The following ASIC2 variants were observed in gnomAD, a reference collection of about 807,000 sequenced individuals.
ASIC2 encodes the protein acid-sensing ion channel 2.
A neutral mutation model predicts 57.3 loss-of-function variants in ASIC2; 25 were observed. The observed-to-expected ratio is 0.44, with a 90% CI of 0.32 to 0.61. The LOEUF is 0.61. Ranked by LOEUF, ASIC2 falls within the 20% of genes least tolerant of loss-of-function variation. The probability of loss-of-function intolerance (pLI) is 0.06; values close to 1 mark genes in which losing one functional copy is unlikely to be tolerated. For missense variants in ASIC2, 641 were observed against 738.1 expected (o/e 0.87, Z 1.52); for synonymous variants, 319 against 307.5 (o/e 1.04, Z -0.39).
intron 1 of ASIC2, among the ~76,000 whole-genome samples, chr17:33,188,940 A>C (rs1407543955): frequency 6.6e-6 from 1 of 152,206 alleles, no homozygotes; most frequent in Non-Finnish European, 1.5e-5. Context: ...AGTAGAAATA[A>C]CAATGTGTTG....
chr17:33,988,442 C>G (rs371387575), intron 1 of ASIC2, among the ~76,000 whole-genome samples: 1 of 152,216 alleles, frequency 6.6e-6, no homozygotes, highest in Non-Finnish European at 1.5e-5. Context: ...TAAGATGTGA[C>G]TTGCTCCTCC....
At chr17:33,415,265 C>T (rs78630074) in intron 1 of ASIC2, among the ~76,000 whole-genome samples, 16,072 of 152,204 alleles carry the variant, frequency 0.11, 920 homozygotes, top group Middle Eastern at 0.14. Flanking sequence ...TCTGTCGATG[C>T]TCGAATCTAA....
At chr17:33,894,346 CGTGCGTGTGTGTGTGTGT>C (rs368525097) in intron 1 of ASIC2, among the ~76,000 whole-genome samples, 5,056 of 87,380 alleles carry the variant, frequency 0.058, 291 homozygotes, top group African/African-American at 0.15. Flanking sequence ...TGCGTGCGTG[CGTGCGTGTGTGTGTGTGT>C]GTGTGTGTGT....
chr17:34,130,371 G>A (rs983907738), intron 1 of ASIC2, among the ~76,000 whole-genome samples: 1 of 152,208 alleles, frequency 6.6e-6, no homozygotes, highest in Admixed American at 6.5e-5. Flanking sequence ...ACGAGGAGAT[G>A]CAACAGTTAT....
intron 1 of ASIC2, among the ~76,000 whole-genome samples, chr17:33,203,815 G>T (rs549836668): frequency 3.9e-4 from 59 of 152,276 alleles, no homozygotes; most frequent in African/African-American, 1.4e-3. Flanking sequence ...GAGTATGTGG[G>T]GCAGGCCAGT....
At chr17:33,873,999 C>T (rs1231064153) in intron 1 of ASIC2, among the ~76,000 whole-genome samples, 1 of 152,232 alleles carries the variant, frequency 6.6e-6, no homozygotes, top group Non-Finnish European at 1.5e-5. Flanking sequence ...TTTAGTCTTT[C>T]TCATCTCAGA....
intron 1 of ASIC2, among the ~76,000 whole-genome samples, chr17:33,420,012 G>T (rs1910990020): frequency 6.6e-6 from 1 of 152,176 alleles, no homozygotes; most frequent in Non-Finnish European, 1.5e-5. Flanking sequence ...AGTTGGGAGT[G>T]GTGATGAGGG....
intron 1 of ASIC2, among the ~76,000 whole-genome samples, chr17:33,280,305 TCAA>T (rs1056483196): frequency 8.5e-5 from 13 of 152,156 alleles, no homozygotes; most frequent in Non-Finnish European, 1.0e-4. Flanking sequence ...CATAGAATAT[TCAA>T]CAACAACAAA....
intron 1 of ASIC2, among the ~76,000 whole-genome samples, chr17:33,282,540 T>A (rs550562140): frequency 6.6e-5 from 10 of 152,144 alleles, no homozygotes; most frequent in Non-Finnish European, 1.2e-4. Flanking sequence ...AGTGGTACAA[T>A]CTTGGCTCAT....
rs1335450658 is a variant in ASIC2 at position 33,042,901 on chromosome 17, C to T, written c.988-14509G>A. On this transcript the variant is annotated intron_variant, in intron 3 of 9. Transcript: ENST00000225823. The stretch of plus-strand genomic sequence containing the variant: ...GCATCAAACAGCTTAGTTCTCACAA[C>T]AACCTTGCCGATTAAACATTATCCC... 2.0e-5 allele frequency among the ~76,000 whole-genome samples: 3 copies of T among 152,008 alleles called. No homozygotes were observed. The East Asian group carries it at 5.8e-4, about 29-fold the overall frequency.
chr17:33,806,463 TG>T (rs1282490432), intron 1 of ASIC2, among the ~76,000 whole-genome samples: 1 of 152,248 alleles, frequency 6.6e-6, no homozygotes, highest in East Asian at 1.9e-4. Context: ...GGCCATAGTT[TG>T]CTTACTTGTG....
intron 1 of ASIC2, among the ~76,000 whole-genome samples, chr17:33,803,590 T>C (rs974379554): frequency 4.0e-5 from 6 of 149,570 alleles, no homozygotes; most frequent in Non-Finnish European, 7.5e-5. Flanking sequence ...CCTTTTCTTT[T>C]TTTTTTTTTT....
At chr17:34,035,973 C>G (rs11654000) in intron 1 of ASIC2, among the ~76,000 whole-genome samples, 18,307 of 149,414 alleles carry the variant, frequency 0.12, 1,217 homozygotes, top group Admixed American at 0.18. Context: ...AAGTCAGTGT[C>G]ACGATTCCTC....
At chr17:33,266,930 G>A (rs1418795411) in intron 1 of ASIC2, among the ~76,000 whole-genome samples, 5 of 152,096 alleles carry the variant, frequency 3.3e-5, no homozygotes, top group Non-Finnish European at 5.9e-5. Flanking sequence ...TGCTTGGAGC[G>A]ATTCGGGTGA....
intron 1 of ASIC2, among the ~76,000 whole-genome samples, chr17:33,940,714 A>G (rs1032650008): frequency 2.0e-5 from 3 of 152,168 alleles, no homozygotes; most frequent in African/African-American, 7.2e-5. Context: ...CAATACACAA[A>G]TCTTTGCAAA....
intron 1 of ASIC2, among the ~76,000 whole-genome samples, chr17:34,148,980 C>G (rs1904397242): frequency 6.6e-6 from 1 of 152,164 alleles, no homozygotes; most frequent in African/African-American, 2.4e-5. Context: ...TAGTAATACA[C>G]ACACATGCAC....
intron 1 of ASIC2, among the ~76,000 whole-genome samples, chr17:34,097,617 G>C (rs1433698268): frequency 6.6e-6 from 1 of 152,238 alleles, no homozygotes; most frequent in East Asian, 1.9e-4. Flanking sequence ...AGAGATTGGA[G>C]TTATTTTTAA....
chr17:33,785,144 T>C (rs1001217960), intron 1 of ASIC2, among the ~76,000 whole-genome samples: 2 of 151,904 alleles, frequency 1.3e-5, no homozygotes, highest in South Asian at 2.1e-4. Flanking sequence ...TAATCCAATA[T>C]GACTGGTGTC....
At chr17:34,104,505 T>C (rs1029959654) in intron 1 of ASIC2, among the ~76,000 whole-genome samples, 5 of 152,126 alleles carry the variant, frequency 3.3e-5, no homozygotes, top group African/African-American at 1.2e-4. Context: ...CAATATTGAA[T>C]AGAAGATTCA....
Sources: allele counts gnomAD v4.1 joint callset (sites outside exome capture counted in the v4.1 genomes callset), GRCh38; gene constraint gnomAD v4.1.1; transcripts MANE v1.5; gene names NCBI Gene and HGNC (gene_info 2026-07-23, HGNC 2026-07-21).